Variants in TENM4 observed in about 807,000 individuals in gnomAD.
The protein encoded by TENM4 is teneurin-4.
In TENM4, 82 loss-of-function variants were observed where a neutral mutation model predicts 243.3. That is an observed-to-expected ratio of 0.34 (90% CI 0.28 to 0.40). TENM4 has a LOEUF of 0.40. Ranked by LOEUF, TENM4 falls within the 10% of genes least tolerant of loss-of-function variation. The pLI, the probability that TENM4 is intolerant of heterozygous loss-of-function variation, is 1.00. For synonymous variants in TENM4, 1,412 were observed against 1,456.3 expected, an observed-to-expected ratio of 0.97 and a Z score of 0.69; for missense variants, 3,138 against 3,673.3, an observed-to-expected ratio of 0.85 and a Z score of 3.77.
At chr11:79,205,891 C>A (rs897718888) in intron 3 of TENM4, among the ~76,000 whole-genome samples, 2 of 152,198 alleles carry the variant, frequency 1.3e-5, no homozygotes, top group Admixed American at 6.5e-5. Context: ...TAATGTTGAA[C>A]CAACTCCATG....
At chr11:79,202,274 T>G (rs919698711) in intron 3 of TENM4, among the ~76,000 whole-genome samples, 1 of 152,186 alleles carries the variant, frequency 6.6e-6, no homozygotes, top group Admixed American at 6.5e-5. Flanking sequence ...TGCTCTGGCT[T>G]TACAGAGCTG....
At position 78,712,472 on chromosome 11, in the gene TENM4, A is replaced by G. The variant is rs757749996; in HGVS notation, c.4054+10T>C. 1.9e-6 allele frequency: 3 copies of G among 1,610,052 alleles called. No homozygotes were observed. Among genetic ancestry groups the G allele is most frequent in the Non-Finnish European group, 2.5e-6 (3 of 1,176,482 alleles). On this transcript the variant is annotated intron_variant, in intron 26 of 33. Transcript: ENST00000278550. ...ATGTTATTGACAATGTCTCTAAGGCAAGGCCTTACCCCTGGGATTGGTGAG... is the reference window on the plus strand; with the variant it reads ...ATGTTATTGACAATGTCTCTAAGGCGAGGCCTTACCCCTGGGATTGGTGAG...
chr11:79,415,659 T>C (rs551447926), intron 1 of TENM4, among the ~76,000 whole-genome samples: 1 of 152,328 alleles, frequency 6.6e-6, no homozygotes, highest in Non-Finnish European at 1.5e-5. Flanking sequence ...GAACTCATCA[T>C]CTTGTAAACA....
At chr11:78,982,940 G>A (rs576188785) in intron 6 of TENM4, among the ~76,000 whole-genome samples, 56 of 152,310 alleles carry the variant, frequency 3.7e-4, no homozygotes, top group African/African-American at 1.3e-3. Context: ...GGCAGCTCTC[G>A]CAGTTACTGA....
chr11:79,342,874 C>T (rs937077810), intron 1 of TENM4, among the ~76,000 whole-genome samples: 3 of 152,222 alleles, frequency 2.0e-5, no homozygotes, highest in South Asian at 2.1e-4. Flanking sequence ...GCGTCCCTGG[C>T]GCCCTGCAGC....
intron 17 of TENM4, among the ~76,000 whole-genome samples, chr11:78,772,619 T>C (rs1856665807): frequency 6.6e-6 from 1 of 152,222 alleles, no homozygotes; most frequent in African/African-American, 2.4e-5. Context: ...GTACAAGACC[T>C]GGGCCAAGAT....
intron 1 of TENM4, among the ~76,000 whole-genome samples, chr11:79,412,219 G>C (rs559035376): frequency 6.6e-6 from 1 of 152,208 alleles, no homozygotes; most frequent in South Asian, 2.1e-4. Context: ...AGAAGCATCC[G>C]CATCACTGAA....
At chr11:79,112,523 A>G (rs982267035) in intron 4 of TENM4, among the ~76,000 whole-genome samples, 3 of 152,106 alleles carry the variant, frequency 2.0e-5, no homozygotes, top group Non-Finnish European at 4.4e-5. Context: ...TGGGAGATGG[A>G]CAGGGAGGTT....
At chr11:79,237,671 C>T (rs980825101) in intron 2 of TENM4, among the ~76,000 whole-genome samples, 9 of 151,990 alleles carry the variant, frequency 5.9e-5, no homozygotes, top group African/African-American at 2.2e-4. Context: ...AGCGAGACTC[C>T]GTCTCAAAAA....
At chr11:79,007,329 T>C (rs1858511516) in intron 6 of TENM4, among the ~76,000 whole-genome samples, 1 of 151,948 alleles carries the variant, frequency 6.6e-6, no homozygotes, top group Non-Finnish European at 1.5e-5. Flanking sequence ...TAGGGGAAGA[T>C]GGGAGTTTAT....
At chr11:78,708,301 G>C in intron 27 of TENM4, 60 bp downstream of exon 27, 1 of 1,601,540 alleles carries the variant, frequency 6.2e-7, no homozygotes, top group Admixed American at 1.7e-5. Context: ...AGGCTGGCTG[G>C]GTGGCAGATG....
At chr11:78,840,232 G>C (rs1050175157) in intron 12 of TENM4, among the ~76,000 whole-genome samples, 14 of 152,118 alleles carry the variant, frequency 9.2e-5, no homozygotes, top group Admixed American at 5.2e-4. Context: ...CATCACGTTA[G>C]CCTTCTGCTT....
rs1486389944 is a variant in TENM4, at chr11:78,812,204, A to G, written c.1896T>C (p.Asp632=). Residue 632 remains aspartate, a synonymous_variant, in exon 14 of 34, where the codon GAT becomes GAC. Transcript: ENST00000278550. The part of the protein sequence containing the change: ...ECDVPTNQCI[D]VACSNHGTCI... Reference sequence around the variant, plus strand: ...AGGTGCCATGGTTGCTGCAGGCCACATCGATACACTGGTTGGTGGGCACAT... The same window carrying G: ...AGGTGCCATGGTTGCTGCAGGCCACGTCGATACACTGGTTGGTGGGCACAT... 1.1e-5 allele frequency: 17 copies of G among 1,551,784 alleles called. No individual in the cohort carries two copies. Among genetic ancestry groups the G allele is most frequent in the Non-Finnish European group, 1.3e-5 (15 of 1,147,078 alleles).
intron 1 of TENM4, among the ~76,000 whole-genome samples, chr11:79,390,296 G>A (rs77340765): frequency 0.029 from 4,376 of 152,252 alleles, 219 homozygotes; most frequent in African/African-American, 0.1. Flanking sequence ...TGGGGGAGGG[G>A]TACTCCAAGG....
At position 78,657,949 on chromosome 11, in the gene TENM4, T is replaced by G; in HGVS notation, c.*109A>C. On this transcript the variant is annotated 3_prime_UTR_variant, in exon 34 of 34. Transcript: ENST00000278550. ...ATGAGTTACAATGCAACCAGTATCT[T>G]TTTGTTTCTGCACTTGTTAAAAAAT... The G allele has an allele frequency of 6.5e-7, 1 of 1,535,484 alleles. No individual in the cohort carries two copies. The highest frequency in any genetic ancestry group is 9.0e-7 in the Non-Finnish European group (1 of 1,113,284).
chr11:79,377,785 G>C (rs886212917), intron 1 of TENM4, among the ~76,000 whole-genome samples: 6 of 152,128 alleles, frequency 3.9e-5, no homozygotes, highest in African/African-American at 1.4e-4. Flanking sequence ...AAAGTGTTCT[G>C]TACTCCCTAG....
Position 79,044,610 on chromosome 11 carries a change from C to T in TENM4, c.493+20128G>A, listed in dbSNP as rs1859615918. 3.3e-5 allele frequency among the ~76,000 whole-genome samples: 5 copies of T among 152,298 alleles called. No homozygotes were observed. In the South Asian group the frequency reaches 6.2e-4, roughly 19 times the overall value. On this transcript the variant is annotated intron_variant, in intron 6 of 33. Transcript: ENST00000278550. ...TGAAACTATTATGGAGGAAACACATCGTACTAAACGCAGGGTGGGTTCATA... is the reference window on the plus strand; with the variant it reads ...TGAAACTATTATGGAGGAAACACATTGTACTAAACGCAGGGTGGGTTCATA...
At chr11:78,662,697 C>G (rs1210275903) in intron 32 of TENM4, among the ~76,000 whole-genome samples, 1 of 152,236 alleles carries the variant, frequency 6.6e-6, no homozygotes, top group Non-Finnish European at 1.5e-5. Flanking sequence ...ACCTGGCCCA[C>G]TATTGCTGAG....
chr11:78,820,527 GT>G (rs1292033112), intron 12 of TENM4, among the ~76,000 whole-genome samples: 1 of 152,212 alleles, frequency 6.6e-6, no homozygotes, highest in African/African-American at 2.4e-5. Context: ...ACCAAATAGG[GT>G]GATGCTGTGC....
Sources: allele counts gnomAD v4.1 joint callset (sites outside exome capture counted in the v4.1 genomes callset), GRCh38; gene constraint gnomAD v4.1.1; transcripts MANE v1.5; gene names NCBI Gene and HGNC (gene_info 2026-07-23, HGNC 2026-07-21).